The following OBSL1 variants were observed in gnomAD, a reference collection of about 807,000 sequenced individuals.
OBSL1 encodes the protein obscurin like cytoskeletal adaptor 1.
OBSL1 carries 160 observed loss-of-function variants against 172.0 expected under a neutral mutation model. That is an observed-to-expected ratio of 0.93 (90% CI 0.82 to 1.06). OBSL1 has a LOEUF of 1.06. Ranked by LOEUF, OBSL1 falls within the 50% of genes least tolerant of loss-of-function variation. The pLI is 0.00. For synonymous variants in OBSL1, 1,200 were observed against 1,196.3 expected, an observed-to-expected ratio of 1.00 and a Z score of -0.06; for missense variants, 2,681 against 2,715.4, an observed-to-expected ratio of 0.99 and a Z score of 0.28.
intron 9 of OBSL1, chr2:219,558,935 T>C (rs1696248827): frequency 4.4e-6 from 2 of 449,864 alleles, no homozygotes; most frequent in South Asian, 5.2e-5. Context: ...TTTAGTCTTA[T>C]TGGTTCACTG....
rs751724468 is a variant in OBSL1 at position 219,551,597 on chromosome 2, G to T, written c.5615C>A (p.Pro1872His). Reference sequence around the variant, plus strand: ...GCAGCAGTAAGTGCCTTGGTCCTCAGGTCGAACGTCATGGATGACCAGGCT... The same window carrying T: ...GCAGCAGTAAGTGCCTTGGTCCTCATGTCGAACGTCATGGATGACCAGGCT... ...THSLVIHDVR[P>H]EDQGTYCCQA... is the part of the protein sequence containing the mutation. Residue 1872 changes from proline (P) to histidine (H), a missense_variant, in exon 20 of 21, where the codon CCT (proline) becomes CAT (histidine). By Grantham distance (77) the Pro-to-His change is moderately conservative (BLOSUM62 -2). Coordinates refer to ENST00000404537, the MANE Select transcript of OBSL1 (RefSeq NM_015311.3). 1 of 1,610,276 alleles carries T rather than the reference G, an allele frequency of 6.2e-7. No individual in the cohort carries two copies. The highest frequency in any genetic ancestry group is 8.5e-7 in the Non-Finnish European group (1 of 1,178,444).
rs749891359 is a variant in OBSL1 at position 219,558,416 on chromosome 2, ATCCAG to A, written c.3265_3269del (p.Leu1089SerfsTer14). On this transcript the variant is annotated frameshift_variant, in exon 10 of 21. Coordinates refer to ENST00000404537, the MANE Select transcript of OBSL1 (RefSeq NM_015311.3). LOFTEE classifies it high-confidence loss of function. ...CGCGCCCTGGAGCCCCAAAATGCAG[ATCCAG>A]GGAGCGGGCTGCCGGGTGCACAATC... 6.2e-7 allele frequency: 1 copy of A among 1,600,034 alleles called. No individual in the cohort carries two copies. The highest frequency in any genetic ancestry group is 8.5e-7 in the Non-Finnish European group (1 of 1,174,756).
chr2:219,556,379 A>G (rs1319132565), intron 13 of OBSL1, 75 bp downstream of exon 13: 19 of 1,588,276 alleles, frequency 1.2e-5, no homozygotes, highest in South Asian at 4.7e-5. Context: ...CTAGGTGGAG[A>G]GGCAAGGCTG....
At position 219,567,829 on chromosome 2, in the gene OBSL1, T is replaced by C; in HGVS notation, c.1423A>G (p.Ser475Gly). 1 of 1,613,966 alleles carries C rather than the reference T, an allele frequency of 6.2e-7. No homozygotes were observed. Among genetic ancestry groups the C allele is most frequent in the South Asian group, 1.1e-5 (1 of 91,080 alleles). ...GEELPVICQS[S>G]SGHMHALVLP... ...ACCAGGGCATGCATGTGGCCTGAGC[T>C]GCTCTGGCAGATGACCGGCAGCTCC... The change falls in exon 3 of 21, where the codon AGC (serine) becomes GGC (glycine). Residue 475 changes from serine to glycine, a missense_variant. By Grantham distance (56) the Ser-to-Gly change is moderately conservative. Around this residue, in one of 5 missense-constraint regions of OBSL1, gnomAD observed 706 missense variants for 695.8 expected, o/e 1.01. Transcript: ENST00000404537.
At chr2:219,555,064 C>T in intron 14 of OBSL1, 1 of 364,950 alleles carries the variant, frequency 2.7e-6, no homozygotes. Context: ...GAACCTCGCT[C>T]TACCACATAG....
chr2:219,565,191 GC>G, intron 6 of OBSL1, 50 bp downstream of exon 6: 1 of 1,541,280 alleles, frequency 6.5e-7, no homozygotes. Context: ...GGCTTATGCG[GC>G]CCCACAATCA....
rs1312443327 is a variant in OBSL1 at position 219,559,397 on chromosome 2, G to A, written c.3054C>T (p.Ala1018=). 1.2e-6 allele frequency: 2 copies of A among 1,613,852 alleles called. No individual in the cohort carries two copies. Among genetic ancestry groups the A allele is most frequent in the East Asian group, 2.2e-5 (1 of 44,880 alleles). The change falls in exon 9 of 21, where the codon GCC becomes GCT. Residue 1018 remains alanine, a synonymous_variant. Coordinates refer to ENST00000404537, the MANE Select transcript of OBSL1 (RefSeq NM_015311.3). ...VLMCELSRED[A]PVRWYKDGLE... ...GCCCATCCTTGTACCAGCGCACAGG[G>A]GCATCCTCCCGAGACAGTTCACACA...
In OBSL1 at chr2:219,566,922, A is replaced by G. The variant is rs2106092813; in HGVS notation, c.2042T>C (p.Leu681Pro). The G allele has an allele frequency of 6.2e-7, 1 of 1,613,514 alleles. No individual in the cohort carries two copies. Among genetic ancestry groups the G allele is most frequent in the Non-Finnish European group, 8.5e-7 (1 of 1,179,598 alleles). ...RIEQKGLQHR[L>P]ILHAVKHQDS... The stretch of plus-strand genomic sequence containing the variant: ...CTGGTGCTTGACGGCATGCAGGATG[A>G]GTCTGTGCTGCAGACCCTTCTGCTC... Residue 681 changes from leucine to proline, a missense_variant, in exon 5 of 21, where the codon CTC becomes CCC. Leu to Pro is a moderately conservative substitution (Grantham distance 98, BLOSUM62 -3). Coordinates refer to ENST00000404537, the MANE Select transcript of OBSL1 (RefSeq NM_015311.3).
rs368874304 is a variant in OBSL1 at position 219,558,219 on chromosome 2, C to G, written c.3467G>C (p.Arg1156Pro). ...GACATTGAAGGTGATGGCCTCATGC[C>G]GGGTCTCACACACATACTCCCCGGC... ...EDAGEYVCET[R>P]HEAITFNVIL... is the part of the protein sequence containing the mutation. The change falls in exon 10 of 21, where the codon CGG (arginine) becomes CCG (proline). Residue 1156 changes from arginine to proline, a missense_variant. By Grantham distance (103) the Arg-to-Pro change is moderately radical. This residue lies in a region of OBSL1 where 1,765 missense variants were observed against 1,748.3 expected (regional missense o/e 1.01). Coordinates refer to ENST00000404537, the MANE Select transcript of OBSL1 (RefSeq NM_015311.3). 6.2e-7 allele frequency: 1 copy of G among 1,608,184 alleles called. No homozygotes were observed. Among genetic ancestry groups the G allele is most frequent in the East Asian group, 2.2e-5 (1 of 44,702 alleles).
rs181520135 is a variant in OBSL1, at chr2:219,552,642, G to T, written c.5202C>A (p.Asp1734Glu). ...ELRSVSAREG[D>E]GATFECTVSE... The stretch of plus-strand genomic sequence containing the variant: ...ACACGGTGCACTCGAACGTAGCGCC[G>T]TCGCCTTCGCGGGCGCTCACCGACC... The change falls in exon 18 of 21, where the codon GAC (aspartate) becomes GAA (glutamate). Residue 1734 changes from aspartate (D) to glutamate (E), a missense_variant. Physicochemically the swap from Asp to Glu is conservative, Grantham distance 45. Coordinates refer to ENST00000404537, the MANE Select transcript of OBSL1 (RefSeq NM_015311.3). 15,689 of 1,552,492 alleles carry T rather than the reference G, an allele frequency of 0.01. 93 individuals are homozygous for T. The highest frequency in any genetic ancestry group is 0.012 in the Non-Finnish European group (14,254 of 1,153,688).
rs988832315 is a variant in OBSL1, at chr2:219,554,134, G to A, written c.4876+340C>T. 4.7e-5 allele frequency: 20 copies of A among 423,932 alleles called. 1 individual carries two copies. Among genetic ancestry groups the A allele is most frequent in the African/African-American group, 1.6e-4 (8 of 50,772 alleles). 26.3% of individuals were successfully genotyped at this position (423,932 alleles called of 1,614,324 possible). A position where few individuals can be genotyped will look rare whatever the true frequency, so the allele number is the denominator to read the frequency against. On this transcript the variant is annotated intron_variant, in intron 15 of 20. Coordinates refer to ENST00000404537, the MANE Select transcript of OBSL1 (RefSeq NM_015311.3). ...CACTTAGGCGGGCAGAGGGAGCCAC[G>A]GCAGACAGTGTAGCCAGTAGGGTCA...
chr2:219,565,327 G>A lies in OBSL1; in HGVS notation c.2322C>T (p.Ile774=). Residue 774 remains isoleucine, a synonymous_variant, in exon 6 of 21, where the codon ATC becomes ATT. Coordinates refer to ENST00000404537, the MANE Select transcript of OBSL1 (RefSeq NM_015311.3). The part of the protein sequence containing the change: ...VKMDGRKHRL[I]LPEAKVQDSG... ...TGTCCTGGACTTTGGCCTCAGGCAG[G>A]ATCAGACGGTGTTTGCGCCCATCCA... The A allele has an allele frequency of 1.2e-6, 2 of 1,614,028 alleles. No individual in the cohort carries two copies. The highest frequency in any genetic ancestry group is 1.1e-5 in the South Asian group (1 of 91,084).
chr2:219,552,033 G>T, intron 19 of OBSL1, 79 bp downstream of exon 19: 1 of 1,402,582 alleles, frequency 7.1e-7, no homozygotes, highest in Non-Finnish European at 9.9e-7. Flanking sequence ...GCGTTCTTGG[G>T]GCCAGCCCCA....
chr2:219,560,993 G>A (rs1215782148), intron 8 of OBSL1, among the ~76,000 whole-genome samples: 1 of 152,196 alleles, frequency 6.6e-6, no homozygotes, highest in Non-Finnish European at 1.5e-5. Flanking sequence ...TGTTTGTGGG[G>A]AGCCTGAGCA....
At chr2:219,549,350 C>G (rs1378801663), downstream of OBSL1, 1 of 1,611,450 alleles carries the variant, frequency 6.2e-7, no homozygotes, top group African/African-American at 1.3e-5. Flanking sequence ...GACGTCCTCT[C>G]CCCGGTGAGC....
downstream of OBSL1, among the ~76,000 whole-genome samples, chr2:219,548,437 G>T: frequency 6.6e-6 from 1 of 152,220 alleles, no homozygotes; most frequent in East Asian, 1.9e-4. Flanking sequence ...GCAGGATAAT[G>T]TGAAAGAATG....
Position 219,563,609 on chromosome 2 carries a change from A to G in OBSL1, c.2426T>C (p.Val809Ala), listed in dbSNP as rs754112609. The G allele has an allele frequency of 6.2e-7, 1 of 1,612,526 alleles. No individual in the cohort carries two copies. The highest frequency in any genetic ancestry group is 1.1e-5 in the South Asian group (1 of 90,992). ...VTVQDPPVHI[V>A]DPREHVFVHA... is the part of the protein sequence containing the mutation. ...CACGAACACATGTTCTCGGGGGTCC[A>G]CGATGTGCACGGGAGGATCTGGGTG... Residue 809 changes from valine (V) to alanine (A), a missense_variant, in exon 7 of 21, where the codon GTG (valine) becomes GCG (alanine). Val to Ala is a moderately conservative substitution (Grantham distance 64). Around this residue, in one of 5 missense-constraint regions of OBSL1, gnomAD observed 1,765 missense variants for 1,748.3 expected, o/e 1.01. Coordinates refer to ENST00000404537, the MANE Select transcript of OBSL1 (RefSeq NM_015311.3).
chr2:219,557,200 G>T, intron 12 of OBSL1, 143 bp downstream of exon 12: 1 of 756,394 alleles, frequency 1.3e-6, no homozygotes, highest in Non-Finnish European at 2.0e-6. Context: ...GGAGCCCTGA[G>T]CCCCTATCCA....
chr2:219,551,392 TC>T, intron 20 of OBSL1, 136 bp downstream of exon 20: 1 of 1,075,570 alleles, frequency 9.3e-7, no homozygotes, highest in Non-Finnish European at 1.3e-6. Context: ...ACCCCTCCCC[TC>T]CCCCATCCCC....
Sources: allele counts gnomAD v4.1 joint callset (sites outside exome capture counted in the v4.1 genomes callset), GRCh38; gene constraint gnomAD v4.1.1; regional missense constraint gnomAD v4.1.1; transcripts MANE v1.5; gene names NCBI Gene and HGNC (gene_info 2026-07-23, HGNC 2026-07-21).